Variants in DRC10 observed in about 807,000 individuals in gnomAD.
DRC10 encodes the protein IQ domain-containing protein D.
At chr12:113,216,000 G>C in the DRC10 span, among the ~76,000 whole-genome samples, 1 of 152,164 alleles carries the variant, frequency 6.6e-6, no homozygotes, top group Admixed American at 6.6e-5. Flanking sequence ...TCCAGTAATT[G>C]CACTCCTTGG....
the DRC10 span, among the ~76,000 whole-genome samples, chr12:113,209,781 TG>T: frequency 6.6e-6 from 1 of 152,236 alleles, no homozygotes. Flanking sequence ...GTACTATCTT[TG>T]CAACTTTTCT....
chr12:113,216,427 T>C, the DRC10 span, among the ~76,000 whole-genome samples: 5 of 152,320 alleles, frequency 3.3e-5, no homozygotes, highest in African/African-American at 7.2e-5. Context: ...GTGAAAATAC[T>C]ATGTACCTTA....
At chr12:113,205,740 T>C in the DRC10 span, among the ~76,000 whole-genome samples, 4 of 126,836 alleles carry the variant, frequency 3.2e-5, no homozygotes, top group African/African-American at 1.2e-4. Flanking sequence ...ATACAAAAAA[T>C]TAGCCGGGCG....
chr12:113,206,754 T>TAA, the DRC10 span, among the ~76,000 whole-genome samples: 3 of 141,790 alleles, frequency 2.1e-5, no homozygotes, highest in East Asian at 6.1e-4. Flanking sequence ...GACTCCATCT[T>TAA]AAAAAAAAAA....
the DRC10 span, among the ~76,000 whole-genome samples, chr12:113,197,917 G>A: frequency 1.3e-5 from 2 of 152,328 alleles, no homozygotes; most frequent in East Asian, 3.9e-4. Flanking sequence ...AGCTTGTGCT[G>A]TTTAAAGGAC....
the DRC10 span, among the ~76,000 whole-genome samples, chr12:113,205,229 T>A: frequency 2.1e-4 from 32 of 151,410 alleles, no homozygotes; most frequent in South Asian, 4.2e-4. Context: ...TGAATTTTTT[T>A]TTAAAAAAAA....
At chr12:113,197,164 G>A in the DRC10 span, among the ~76,000 whole-genome samples, 1 of 150,790 alleles carries the variant, frequency 6.6e-6, no homozygotes, top group African/African-American at 2.4e-5. Context: ...CCCAGTGTCA[G>A]AGTGTCAGGC....
the DRC10 span, chr12:113,208,335 C>T: frequency 1.1e-5 from 15 of 1,421,864 alleles, no homozygotes; most frequent in South Asian, 1.7e-4. Context: ...GAAACCACAA[C>T]TGTTGACATC....
the DRC10 span, chr12:113,221,077 A>G: frequency 4.6e-6 from 2 of 433,572 alleles, no homozygotes; most frequent in South Asian, 3.2e-5. Context: ...CAATCTCAGA[A>G]GGCGAGACTC....
chr12:113,208,532 T>C, the DRC10 span: 1 of 228,490 alleles, frequency 4.4e-6, no homozygotes, highest in Non-Finnish European at 8.3e-6. Flanking sequence ...AACCAGAGAC[T>C]GGTTACATCA....
At chr12:113,199,533 G>A in the DRC10 span, among the ~76,000 whole-genome samples, 1 of 152,220 alleles carries the variant, frequency 6.6e-6, no homozygotes, top group Non-Finnish European at 1.5e-5. Context: ...ATGTGTAAGT[G>A]CATCTGTGCC....
the DRC10 span, among the ~76,000 whole-genome samples, chr12:113,213,335 T>C: frequency 1.3e-5 from 2 of 152,168 alleles, no homozygotes; most frequent in Admixed American, 6.6e-5. Flanking sequence ...GGTGTACAGA[T>C]TATTTCATCA....
At chr12:113,218,981 G>A in the DRC10 span, among the ~76,000 whole-genome samples, 4 of 152,272 alleles carry the variant, frequency 2.6e-5, no homozygotes, top group South Asian at 8.3e-4. Context: ...TTTCACTTGG[G>A]AGGGGTAACT....
chr12:113,201,456 G>T, the DRC10 span, among the ~76,000 whole-genome samples: 1 of 152,220 alleles, frequency 6.6e-6, no homozygotes, highest in African/African-American at 2.4e-5. Flanking sequence ...GAGGCCACAG[G>T]GGAGGACTGG....
At chr12:113,218,772 G>T in the DRC10 span, among the ~76,000 whole-genome samples, 10 of 152,104 alleles carry the variant, frequency 6.6e-5, no homozygotes, top group African/African-American at 2.4e-4. Context: ...TGTTTTTGAG[G>T]TTCATCCAGG....
At chr12:113,209,203 C>A in the DRC10 span, among the ~76,000 whole-genome samples, 1 of 152,288 alleles carries the variant, frequency 6.6e-6, no homozygotes, top group Admixed American at 6.5e-5. Flanking sequence ...CCTGAGCCAC[C>A]ACGCCTGGCC....
the DRC10 span, among the ~76,000 whole-genome samples, chr12:113,202,825 G>A: frequency 3.3e-5 from 5 of 152,152 alleles, no homozygotes; most frequent in African/African-American, 9.7e-5. Context: ...CACCAGCTCC[G>A]GTGTTTCCAC....
At chr12:113,201,009 C>A in the DRC10 span, among the ~76,000 whole-genome samples, 1 of 152,112 alleles carries the variant, frequency 6.6e-6, no homozygotes, top group Non-Finnish European at 1.5e-5. Flanking sequence ...TGTGGTGGTG[C>A]ATGCCTGTAA....
At chr12:113,207,121 G>A in the DRC10 span, 1 of 392,658 alleles carries the variant, frequency 2.5e-6, no homozygotes, top group Non-Finnish European at 4.8e-6. Flanking sequence ...GCCAAAGCAG[G>A]AGGATCACTT....
Sources: gnomAD v4.1 joint callset for allele counts (sites outside exome capture counted in the v4.1 genomes callset) on GRCh38, gnomAD v4.1.1 for gene constraint, MANE v1.5 for transcripts, NCBI Gene and HGNC (gene_info 2026-07-23, HGNC 2026-07-21) for gene names.